The following RANBP2 variants were observed in gnomAD, a reference collection of about 807,000 sequenced individuals.
The protein encoded by RANBP2 is RAN binding protein 2, also known as E3 SUMO-protein ligase RanBP2.
In RANBP2, 57 loss-of-function variants were observed where a neutral mutation model predicts 303.6. The ratio of observed to expected loss-of-function variants is 0.19; its 90% CI spans 0.15 to 0.23. The LOEUF (loss-of-function observed/expected upper bound fraction) is 0.23, where lower values mean the gene tolerates loss of function less well. Ranked by LOEUF, RANBP2 falls within the 10% of genes least tolerant of loss-of-function variation. RANBP2 has a pLI of 1.00. For missense variants in RANBP2, 3,138 were observed against 3,780.8 expected, an observed-to-expected ratio of 0.83 and a Z score of 4.46; for synonymous variants, 1,167 against 1,301.5, an observed-to-expected ratio of 0.90 and a Z score of 2.23.
At chr2:109,392,696 C>T in the RANBP2 span, among the ~76,000 whole-genome samples, 2 of 151,044 alleles carry the variant, frequency 1.3e-5, no homozygotes, top group Non-Finnish European at 3.0e-5. Context: ...TTTTTTTTTT[C>T]AGTAGAGATG....
the RANBP2 span, among the ~76,000 whole-genome samples, chr2:109,572,709 TG>T: frequency 6.8e-6 from 1 of 147,330 alleles, no homozygotes; most frequent in African/African-American, 2.5e-5. Flanking sequence ...CTCCGCCTCC[TG>T]GGTTCAAGCA....
the RANBP2 span, among the ~76,000 whole-genome samples, chr2:108,916,300 T>A: frequency 6.6e-6 from 1 of 152,184 alleles, no homozygotes; most frequent in African/African-American, 2.4e-5. Context: ...CGCCTCTTCT[T>A]GTCCCTTCCT....
the RANBP2 span, among the ~76,000 whole-genome samples, chr2:109,467,408 A>G: frequency 1.3e-5 from 2 of 152,362 alleles, no homozygotes; most frequent in East Asian, 1.9e-4. Flanking sequence ...TCCCGTGTCT[A>G]TAAAACTTTG....
the RANBP2 span, among the ~76,000 whole-genome samples, chr2:108,967,808 A>G: frequency 6.6e-6 from 1 of 152,176 alleles, no homozygotes; most frequent in South Asian, 2.1e-4. Flanking sequence ...TTTAAAAGGA[A>G]AGTAAGAACC....
At chr2:108,728,270 T>G (rs1165377670) in intron 1 of RANBP2, among the ~76,000 whole-genome samples, 1 of 152,186 alleles carries the variant, frequency 6.6e-6, no homozygotes, top group African/African-American at 2.4e-5. Context: ...CTTGTCTTAC[T>G]TTCTTGAATT....
the RANBP2 span, among the ~76,000 whole-genome samples, chr2:108,863,582 C>CT: frequency 6.6e-6 from 1 of 152,134 alleles, no homozygotes; most frequent in Non-Finnish European, 1.5e-5. Flanking sequence ...ACTCCTAGAT[C>CT]TTTTTCTTTC....
chr2:109,306,684 A>T, the RANBP2 span, among the ~76,000 whole-genome samples: 1 of 152,244 alleles, frequency 6.6e-6, no homozygotes, highest in African/African-American at 2.4e-5. Flanking sequence ...GTAACCTAGC[A>T]TGTTACTGAA....
At chr2:109,325,954 A>G in the RANBP2 span, among the ~76,000 whole-genome samples, 27 of 152,240 alleles carry the variant, frequency 1.8e-4, no homozygotes, top group African/African-American at 6.3e-4. Flanking sequence ...TGATATTTTC[A>G]CTGTGAACCG....
At chr2:109,155,925 G>A in the RANBP2 span, among the ~76,000 whole-genome samples, 5 of 152,266 alleles carry the variant, frequency 3.3e-5, no homozygotes, top group South Asian at 2.1e-4. Flanking sequence ...GTATTGGATC[G>A]GGCTAAGGTT....
At chr2:108,832,584 T>C in the RANBP2 span, among the ~76,000 whole-genome samples, 12 of 152,284 alleles carry the variant, frequency 7.9e-5, no homozygotes, top group Admixed American at 4.6e-4. Context: ...TGACCCAGAA[T>C]TTGTATTTCC....
chr2:109,580,344 A>C, the RANBP2 span, among the ~76,000 whole-genome samples: 1 of 93,746 alleles, frequency 1.1e-5, no homozygotes, highest in Admixed American at 1.3e-4. Flanking sequence ...TTTCTCCATA[A>C]AATGCAAAAA....
At chr2:109,637,465 A>G in the RANBP2 span, among the ~76,000 whole-genome samples, 1 of 151,714 alleles carries the variant, frequency 6.6e-6, no homozygotes, top group African/African-American at 2.4e-5. Context: ...CCACAAGGCC[A>G]TATTTCAGAC....
At chr2:109,493,242 C>T in the RANBP2 span, among the ~76,000 whole-genome samples, 8 of 151,796 alleles carry the variant, frequency 5.3e-5, no homozygotes, top group East Asian at 3.9e-4. Context: ...CATATACACA[C>T]GCACCACACA....
chr2:108,775,314 TGTTGTGAG>T (rs1677803791), intron 23 of RANBP2, among the ~76,000 whole-genome samples: 1 of 152,236 alleles, frequency 6.6e-6, no homozygotes, highest in Non-Finnish European at 1.5e-5. Flanking sequence ...TTCTCTTAAA[TGTTGTGAG>T]GTCTGTCTTG....
the RANBP2 span, among the ~76,000 whole-genome samples, chr2:108,859,413 G>A: frequency 2.0e-5 from 3 of 152,006 alleles, no homozygotes; most frequent in African/African-American, 7.2e-5. Context: ...GTAGGTCCCA[G>A]TTGTCAATTT....
chr2:109,659,329 C>G, the RANBP2 span, among the ~76,000 whole-genome samples: 4 of 152,106 alleles, frequency 2.6e-5, no homozygotes, highest in Non-Finnish European at 5.9e-5. Context: ...GAGCCAAGAT[C>G]ACGCCATTGC....
chr2:109,387,644 C>T, the RANBP2 span, among the ~76,000 whole-genome samples: 1 of 152,216 alleles, frequency 6.6e-6, no homozygotes, highest in African/African-American at 2.4e-5. Context: ...TAACCTGCAG[C>T]CCCTCAGCAT....
the RANBP2 span, among the ~76,000 whole-genome samples, chr2:109,584,412 T>C: frequency 6.9e-6 from 1 of 143,914 alleles, no homozygotes; most frequent in Admixed American, 7.3e-5. Flanking sequence ...GAGGTGGAGG[T>C]TGCAGTGAGT....
downstream of RANBP2, chr2:108,786,634 A>G (rs1375968663): frequency 3.2e-6 from 2 of 622,336 alleles, no homozygotes; most frequent in Non-Finnish European, 5.8e-6. Context: ...TAGTGCTAGC[A>G]CGAGAAACTT....
Sources: gnomAD v4.1 joint callset for allele counts (sites outside exome capture counted in the v4.1 genomes callset) on GRCh38, gnomAD v4.1.1 for gene constraint, MANE v1.5 for transcripts, NCBI Gene and HGNC (gene_info 2026-07-23, HGNC 2026-07-21) for gene names.